Variants in ADGRL2 observed in about 807,000 individuals in gnomAD.
The protein encoded by ADGRL2 is calcium-independent alpha-latrotoxin receptor 2.
ADGRL2 carries 44 observed loss-of-function variants against 157.4 expected under a neutral mutation model. The ratio of observed to expected loss-of-function variants is 0.28; its 90% CI spans 0.22 to 0.36. ADGRL2 has a LOEUF of 0.36. Among genes scored for constraint, ADGRL2 ranks in the 10% least tolerant of loss-of-function variants. The pLI is 1.00. For missense variants in ADGRL2, 1,510 were observed against 1,768.9 expected (o/e 0.85, Z 2.63); for synonymous variants, 585 against 624.7 (o/e 0.94, Z 0.95).
rs139167764 is a variant in ADGRL2 at position 81,922,286 on chromosome 1, T to C, written c.288-14442T>C. On this transcript the variant is annotated intron_variant, in intron 3 of 23. Coordinates refer to ENST00000686636, the MANE Select transcript of ADGRL2 (RefSeq NM_001366006.2). Reference sequence around the variant, plus strand: ...CCCCTTTCTTTCACACTCTGTAACATGGAGCATGTTCGCCAGTTTCTTTTT... The same window carrying C: ...CCCCTTTCTTTCACACTCTGTAACACGGAGCATGTTCGCCAGTTTCTTTTT... Among the ~76,000 whole-genome samples, 357 of 152,270 alleles carry C rather than the reference T, an allele frequency of 2.3e-3. 1 individual carries two copies. The highest frequency in any genetic ancestry group is 8.0e-3 in the African/African-American group (333 of 41,562).
intron 3 of ADGRL2, among the ~76,000 whole-genome samples, chr1:81,655,415 G>C (rs557195591): frequency 6.6e-6 from 1 of 152,206 alleles, no homozygotes; most frequent in East Asian, 1.9e-4. Context: ...TGTGGGAATG[G>C]GAATTCAAAC....
intron 1 of ADGRL2, among the ~76,000 whole-genome samples, chr1:81,727,652 T>G (rs2084580202): frequency 6.6e-6 from 1 of 152,064 alleles, no homozygotes; most frequent in South Asian, 2.1e-4. Flanking sequence ...AGGATGGTCT[T>G]GATCTCCTGA....
At chr1:81,532,010 A>T (rs2079611529) in intron 2 of ADGRL2, among the ~76,000 whole-genome samples, 1 of 152,214 alleles carries the variant, frequency 6.6e-6, no homozygotes, top group Non-Finnish European at 1.5e-5. Flanking sequence ...TGAAGTCTGC[A>T]TCCTAAGCTT....
At chr1:81,986,782 C>A in intron 21 of ADGRL2, 119 bp from the exon 22 acceptor site, 2 of 952,848 alleles carry the variant, frequency 2.1e-6, no homozygotes, top group Non-Finnish European at 3.1e-6. Flanking sequence ...TTTTCCATTG[C>A]CAACTTGTCC....
rs754749505 is a variant in ADGRL2, at chr1:81,966,086, A to G, written c.2046A>G (p.Glu682=). The change falls in exon 12 of 24, where the codon GAA becomes GAG. Residue 682 remains glutamate (E), a synonymous_variant. Coordinates refer to ENST00000686636, the MANE Select transcript of ADGRL2 (RefSeq NM_001366006.2). ...IVLEVAVLST[E]GQIQDFKFPL... ...TGGAAGTTGCCGTACTCAGTACAGA[A>G]GGACAGATCCAAGACTTTAAATTTC... The G allele has an allele frequency of 6.2e-6, 10 of 1,614,056 alleles. No homozygotes were observed. In the Middle Eastern group the frequency reaches 4.9e-4, roughly 80 times the overall value.
intron 3 of ADGRL2, among the ~76,000 whole-genome samples, chr1:81,614,992 G>A (rs755043159): frequency 8.5e-5 from 13 of 152,072 alleles, no homozygotes; most frequent in African/African-American, 2.4e-4. Flanking sequence ...CAGCCTGAGC[G>A]ACAGAGTGAG....
chr1:81,352,589 T>A (rs898465537), intron 1 of ADGRL2, among the ~76,000 whole-genome samples: 12 of 152,196 alleles, frequency 7.9e-5, no homozygotes, highest in Admixed American at 3.3e-4. Flanking sequence ...GCTTCAATTC[T>A]TTAAGACAAT....
intron 2 of ADGRL2, among the ~76,000 whole-genome samples, chr1:81,895,876 A>G (rs2094376609): frequency 6.6e-6 from 1 of 152,128 alleles, no homozygotes; most frequent in Non-Finnish European, 1.5e-5. Flanking sequence ...TCTCCACCCT[A>G]ATGAGTTTTA....
chr1:81,772,500 G>A (rs61775268), intron 2 of ADGRL2, among the ~76,000 whole-genome samples: 12,499 of 151,504 alleles, frequency 0.082, 674 homozygotes, highest in South Asian at 0.13. Flanking sequence ...AGGCCGAGGC[G>A]GGTAGATCAC....
At chr1:81,713,633 G>A (rs2084011223) in intron 1 of ADGRL2, among the ~76,000 whole-genome samples, 1 of 152,130 alleles carries the variant, frequency 6.6e-6, no homozygotes, top group African/African-American at 2.4e-5. Flanking sequence ...ATTTGTGTAT[G>A]TACCCAGACA....
intron 2 of ADGRL2, among the ~76,000 whole-genome samples, chr1:81,476,370 G>T (rs2078273648): frequency 6.6e-6 from 1 of 152,128 alleles, no homozygotes; most frequent in Admixed American, 6.6e-5. Flanking sequence ...AGCAAAAATT[G>T]TGAGGAGTAG....
chr1:81,934,972 A>G (rs1042261937), intron 3 of ADGRL2, among the ~76,000 whole-genome samples: 7 of 152,030 alleles, frequency 4.6e-5, no homozygotes, highest in African/African-American at 1.7e-4. Flanking sequence ...AAACTAAAAA[A>G]TCAGTGAACT....
intron 1 of ADGRL2, among the ~76,000 whole-genome samples, chr1:81,705,948 T>C (rs971767540): frequency 6.6e-6 from 1 of 151,630 alleles, no homozygotes; most frequent in Non-Finnish European, 1.5e-5. Context: ...CGGTGGCTCA[T>C]GCCTGTAATC....
chr1:81,695,973 T>A (rs1258116221), upstream of ADGRL2, among the ~76,000 whole-genome samples: 1 of 152,122 alleles, frequency 6.6e-6, no homozygotes, highest in East Asian at 1.9e-4. Flanking sequence ...GACTGACAAA[T>A]TGTTTGTAAT....
chr1:81,650,339 A>G (rs1406650242), intron 3 of ADGRL2, among the ~76,000 whole-genome samples: 2 of 152,112 alleles, frequency 1.3e-5, no homozygotes, highest in Admixed American at 6.5e-5. Flanking sequence ...TGGGAAGCCG[A>G]GGCAGGAGGA....
At chr1:81,756,138 A>G (rs1052480154) in intron 1 of ADGRL2, among the ~76,000 whole-genome samples, 1 of 152,140 alleles carries the variant, frequency 6.6e-6, no homozygotes, top group African/African-American at 2.4e-5. Context: ...CCCTTTGCTC[A>G]TGCTCTTAAC....
rs921079378 is a variant in ADGRL2 at position 81,992,205 on chromosome 1, A to G, written c.*1060A>G. On this transcript the variant is annotated 3_prime_UTR_variant, in exon 24 of 24. Coordinates refer to ENST00000686636, the MANE Select transcript of ADGRL2 (RefSeq NM_001366006.2). Reference sequence around the variant, plus strand: ...GGTGCCTATTCTTTTTTAAAAAAATAAAATAAAACATAAATATTACTCTTC... The same window carrying G: ...GGTGCCTATTCTTTTTTAAAAAAATGAAATAAAACATAAATATTACTCTTC... 7.2e-5 allele frequency: 11 copies of G among 152,618 alleles called. 1 individual carries two copies. The highest frequency in any genetic ancestry group is 6.8e-3 in the Middle Eastern group (2 of 294). 9.5% of individuals were successfully genotyped at this position (152,618 alleles called of 1,614,324 possible). A position where few individuals can be genotyped will look rare whatever the true frequency, so the allele number is the denominator to read the frequency against.
At chr1:81,386,672 T>C (rs923772324) in intron 1 of ADGRL2, among the ~76,000 whole-genome samples, 1 of 152,192 alleles carries the variant, frequency 6.6e-6, no homozygotes, top group African/African-American at 2.4e-5. Flanking sequence ...ACTAATCTGA[T>C]GCAAACAATT....
intron 2 of ADGRL2, among the ~76,000 whole-genome samples, chr1:81,853,341 A>C (rs557956354): frequency 1.3e-5 from 2 of 152,182 alleles, no homozygotes; most frequent in Non-Finnish European, 2.9e-5. Context: ...AATACCTAGC[A>C]GGACAATGTA....
Sources: allele counts gnomAD v4.1 joint callset (sites outside exome capture counted in the v4.1 genomes callset), GRCh38; gene constraint gnomAD v4.1.1; transcripts MANE v1.5; gene names NCBI Gene and HGNC (gene_info 2026-07-23, HGNC 2026-07-21).